TNFRSF21: variants seen among roughly 807,000 people sequenced by gnomAD.
TNFRSF21 encodes tumor necrosis factor receptor superfamily member 21.
In TNFRSF21, 19 loss-of-function variants were observed where a neutral mutation model predicts 45.6. That is an observed-to-expected ratio of 0.42 (90% CI 0.29 to 0.61). The LOEUF is 0.61. TNFRSF21 is among the 20% of genes least tolerant of loss of function. TNFRSF21 has a pLI of 0.23. For synonymous variants in TNFRSF21, 314 were observed against 335.5 expected (o/e 0.94, Z 0.70); for missense variants, 737 against 851.5 (o/e 0.87, Z 1.67).
chr6:47,285,622 A>T (rs1248230649), intron 2 of TNFRSF21, among the ~76,000 whole-genome samples: 2 of 152,202 alleles, frequency 1.3e-5, no homozygotes, highest in Non-Finnish European at 2.9e-5. Flanking sequence ...TTGTTTGACA[A>T]GTTTGAAACT....
intron 1 of TNFRSF21, among the ~76,000 whole-genome samples, chr6:47,292,128 T>G (rs1762737636): frequency 6.6e-6 from 1 of 151,984 alleles, no homozygotes. Context: ...AAAGTGGCAT[T>G]TAAGAATAGT....
intron 3 of TNFRSF21, among the ~76,000 whole-genome samples, chr6:47,268,626 G>T (rs1011389399): frequency 6.9e-6 from 1 of 145,094 alleles, no homozygotes; most frequent in African/African-American, 2.5e-5. Context: ...CTCACAGCCA[G>T]TTCTTTCACC....
intron 3 of TNFRSF21, among the ~76,000 whole-genome samples, chr6:47,274,246 G>A (rs56083771): frequency 0.2 from 30,069 of 152,004 alleles, 3,772 homozygotes; most frequent in East Asian, 0.46. Context: ...ATACTACAAG[G>A]CTATAGTAAC....
chr6:47,259,873 CA>C (rs1260322601), intron 3 of TNFRSF21, among the ~76,000 whole-genome samples: 2 of 152,152 alleles, frequency 1.3e-5, no homozygotes, highest in Non-Finnish European at 2.9e-5. Flanking sequence ...TGGTAGTAGT[CA>C]CAAGATATGG....
Position 47,234,712 on chromosome 6 carries a change from C to A in TNFRSF21, c.1696G>T (p.Gly566Cys), listed in dbSNP as rs749910130. 1 of 1,611,466 alleles carries A rather than the reference C, an allele frequency of 6.2e-7. No homozygotes were observed. ...PLLRCDSTSSGSSALSRNGSF... is the reference protein window; with the variant it reads ...PLLRCDSTSSCSSALSRNGSF... ...CCGTTCCTGCTCAGCGCGGAGGAGC[C>A]GCTGGATGTAGAGTCACAGCGGAGA... Residue 566 changes from glycine (G) to cysteine (C), a missense_variant, in exon 5 of 6, where the codon GGC (glycine) becomes TGC (cysteine). By Grantham distance (159) the Gly-to-Cys change is radical. Transcript: ENST00000296861.
At chr6:47,233,254 T>C (rs768148180) in intron 5 of TNFRSF21, among the ~76,000 whole-genome samples, 2 of 152,244 alleles carry the variant, frequency 1.3e-5, no homozygotes, top group South Asian at 2.1e-4. Context: ...TTGAATGGCT[T>C]GCTGAGTTAT....
At position 47,232,314 on chromosome 6, in the gene TNFRSF21, G is replaced by C. The variant is rs1425839199; in HGVS notation, c.*451C>G. ...AGGTGTGAATGTTAAGAGACATAAA[G>C]ACTGCTTATAGGATTCACAAGATGC... On this transcript the variant is annotated 3_prime_UTR_variant, in exon 6 of 6. Transcript: ENST00000296861. The C allele has an allele frequency of 6.5e-6, 1 of 153,940 alleles. No individual in the cohort carries two copies. The highest frequency in any genetic ancestry group is 1.4e-5 in the Non-Finnish European group (1 of 69,166). The allele number at this position is 153,940 out of a possible 1,614,324, so 9.5% of individuals were successfully genotyped here.
chr6:47,255,195 G>C (rs958369982), intron 3 of TNFRSF21, among the ~76,000 whole-genome samples: 1 of 152,210 alleles, frequency 6.6e-6, no homozygotes, highest in Non-Finnish European at 1.5e-5. Context: ...ATGAAATGGT[G>C]ATGATGAAAT....
rs1291466930 is a variant in TNFRSF21, at chr6:47,296,962, T to G, written c.97-10367A>C. ...TTAATAAAACCTGAGGAAGGGGTTG[T>G]GGGAACCTTGATTTACAGTCGGTCA... On this transcript the variant is annotated intron_variant, in intron 1 of 5. Transcript: ENST00000296861. Among the ~76,000 whole-genome samples, 5 of 152,222 alleles carry G rather than the reference T, an allele frequency of 3.3e-5. No homozygotes were observed. The East Asian group carries it at 9.6e-4, about 29-fold the overall frequency.
At chr6:47,280,739 G>A (rs1019823866) in intron 3 of TNFRSF21, among the ~76,000 whole-genome samples, 2 of 152,078 alleles carry the variant, frequency 1.3e-5, no homozygotes, top group East Asian at 3.8e-4. Flanking sequence ...AACGTCTAAG[G>A]TCATTATATT....
intron 3 of TNFRSF21, among the ~76,000 whole-genome samples, chr6:47,261,484 G>T (rs1432159638): frequency 1.3e-5 from 2 of 152,170 alleles, no homozygotes; most frequent in Non-Finnish European, 2.9e-5. Flanking sequence ...CTAAGCCACT[G>T]AGAACCTGAG....
At chr6:47,240,398 T>C (rs1764727967) in intron 4 of TNFRSF21, among the ~76,000 whole-genome samples, 1 of 152,202 alleles carries the variant, frequency 6.6e-6, no homozygotes, top group Non-Finnish European at 1.5e-5. Flanking sequence ...CCATTGCCAA[T>C]ACTGTGCTAG....
At chr6:47,283,810 A>T in intron 3 of TNFRSF21, 128 bp downstream of exon 3, 1 of 1,166,168 alleles carries the variant, frequency 8.6e-7, no homozygotes, top group Non-Finnish European at 1.2e-6. Context: ...TAACACGACT[A>T]GATCAAGTAG....
intron 1 of TNFRSF21, among the ~76,000 whole-genome samples, chr6:47,303,539 G>C (rs1582364912): frequency 6.6e-6 from 1 of 152,282 alleles, no homozygotes; most frequent in East Asian, 1.9e-4. Context: ...CTCAAGAACA[G>C]TGAGATCACT....
Position 47,309,639 on chromosome 6 carries a change from T to G in TNFRSF21, c.-128A>C. 1 of 1,256,870 alleles carries G rather than the reference T, an allele frequency of 8.0e-7. No homozygotes were observed. Among genetic ancestry groups the G allele is most frequent in the East Asian group, 3.2e-5 (1 of 31,138 alleles). 77.9% of individuals were successfully genotyped at this position (1,256,870 alleles called of 1,614,324 possible). ...GAGCCCATCTACCTCCAACACCCCA[T>G]GTGCACTGCTGCGGCCGGGCAGAGG... On this transcript the variant is annotated 5_prime_UTR_variant, in exon 1 of 6. The change abolishes an upstream ATG in the 5' untranslated region. Transcript: ENST00000296861.
Position 47,286,464 on chromosome 6 carries a change from G to C in TNFRSF21, c.228C>G (p.Val76=). The change falls in exon 2 of 6, where the codon GTC becomes GTG. Residue 76 remains valine (V), a synonymous_variant. Coordinates refer to ENST00000296861, the MANE Select transcript of TNFRSF21 (RefSeq NM_014452.5). Reference sequence around the variant, plus strand: ...GGCTTGTGTTGGTACAATGCTCAGAGACATAGGTTCCTGCTGGACACTTGT... The same window carrying C: ...GGCTTGTGTTGGTACAATGCTCAGACACATAGGTTCCTGCTGGACACTTGT... The part of the protein sequence containing the change: ...TCDKCPAGTY[V]SEHCTNTSLR... 1 of 1,614,234 alleles carries C rather than the reference G, an allele frequency of 6.2e-7. No homozygotes were observed. Among genetic ancestry groups the C allele is most frequent in the Non-Finnish European group, 8.5e-7 (1 of 1,180,050 alleles).
chr6:47,282,399 AAAAAAAAAC>A (rs1762581736), intron 3 of TNFRSF21, among the ~76,000 whole-genome samples: 6 of 148,466 alleles, frequency 4.0e-5, no homozygotes, highest in Admixed American at 3.3e-4. Flanking sequence ...AAAAAATAAA[AAAAAAAAAC>A]CCTCAGAAAG....
In TNFRSF21 at chr6:47,300,667, C is replaced by T. The variant is rs538529388; in HGVS notation, c.96+8749G>A. 3.9e-5 allele frequency among the ~76,000 whole-genome samples: 6 copies of T among 152,282 alleles called. No homozygotes were observed. In the South Asian group the frequency reaches 8.3e-4, roughly 21 times the overall value. Reference sequence around the variant, plus strand: ...TCCCCATTCACTGAGCAGCAACCACCGTAATCTTTCTATTCTCTGAACATG... The same window carrying T: ...TCCCCATTCACTGAGCAGCAACCACTGTAATCTTTCTATTCTCTGAACATG... On this transcript the variant is annotated intron_variant, in intron 1 of 5. Transcript: ENST00000296861.
At chr6:47,239,401 T>G (rs1305896340) in intron 4 of TNFRSF21, among the ~76,000 whole-genome samples, 4 of 151,232 alleles carry the variant, frequency 2.6e-5, no homozygotes, top group African/African-American at 4.9e-5. Flanking sequence ...GATGACACAC[T>G]GGTGGAGGTT....
Sources: allele counts gnomAD v4.1 joint callset (sites outside exome capture counted in the v4.1 genomes callset), GRCh38; gene constraint gnomAD v4.1.1; transcripts MANE v1.5; gene names NCBI Gene and HGNC (gene_info 2026-07-23, HGNC 2026-07-21).